Variants in SKA2 observed in about 807,000 individuals in gnomAD.
SKA2 encodes spindle and kinetochore associated complex subunit 2, also known as spindle and kinetochore-associated protein 2.
Under a neutral mutation model 16.9 loss-of-function variants are expected in SKA2, and 13 were observed. The observed-to-expected ratio is 0.77, with a 90% confidence interval of 0.50 to 1.22. The LOEUF (loss-of-function observed/expected upper bound fraction) is 1.22, where lower values mean the gene tolerates loss of function less well. SKA2 is among the 50% of genes most tolerant of loss of function. SKA2 has a pLI of 0.00. For synonymous variants in SKA2, 47 were observed against 48.5 expected, an observed-to-expected ratio of 0.97 and a Z score of 0.13; for missense variants, 107 against 139.7, an observed-to-expected ratio of 0.77 and a Z score of 1.18.
At chr17:59,133,724 A>C (rs1271855064) in intron 1 of SKA2, among the ~76,000 whole-genome samples, 4 of 152,240 alleles carry the variant, frequency 2.6e-5, no homozygotes, top group Non-Finnish European at 4.4e-5. Context: ...TTTCAGAAAT[A>C]AACTAGTTTC....
At position 59,143,692 on chromosome 17, in the gene SKA2, C is replaced by T. The variant is rs573596745; in HGVS notation, c.33+11439G>A. ...CCTGGCATAATTTTTGTATTTTTCT[C>T]GAACTCCTGACCTCAGGTGATCCTC... On this transcript the variant is annotated intron_variant, in intron 1 of 3. Coordinates refer to ENST00000330137, the MANE Select transcript of SKA2 (RefSeq NM_182620.4). 5.9e-5 allele frequency among the ~76,000 whole-genome samples: 9 copies of T among 151,876 alleles called. No homozygotes were observed. In the East Asian group the frequency reaches 1.6e-3, roughly 26 times the overall value.
intron 3 of SKA2, among the ~76,000 whole-genome samples, chr17:59,117,541 C>A (rs2046304751): frequency 6.6e-6 from 1 of 152,032 alleles, no homozygotes; most frequent in African/African-American, 2.4e-5. Flanking sequence ...AGCATGCACT[C>A]CCATGCCCAG....
chr17:59,114,529 T>C (rs2046283952), intron 3 of SKA2, among the ~76,000 whole-genome samples: 1 of 152,018 alleles, frequency 6.6e-6, no homozygotes, highest in Admixed American at 6.6e-5. Flanking sequence ...AACATAAGAG[T>C]ACAGTAAAAA....
At chr17:59,145,818 G>A (rs759956853) in intron 1 of SKA2, among the ~76,000 whole-genome samples, 1 of 151,880 alleles carries the variant, frequency 6.6e-6, no homozygotes, top group Non-Finnish European at 1.5e-5. Flanking sequence ...GGGAAACCAC[G>A]CCTCTAAAAA....
chr17:59,119,574 A>C, intron 2 of SKA2, 79 bp from the exon 3 acceptor site: 2 of 1,251,426 alleles, frequency 1.6e-6, no homozygotes, highest in Non-Finnish European at 2.3e-6. Flanking sequence ...GTATACATAC[A>C]ACACATTCTA....
intron 1 of SKA2, among the ~76,000 whole-genome samples, chr17:59,132,271 G>A (rs931649241): frequency 2.6e-5 from 4 of 151,942 alleles, no homozygotes; most frequent in South Asian, 2.1e-4. Context: ...CAGGAGAATC[G>A]CTTGAACCCC....
chr17:59,152,795 G>C (rs1486801414), intron 1 of SKA2, among the ~76,000 whole-genome samples: 2 of 149,022 alleles, frequency 1.3e-5, no homozygotes, highest in East Asian at 3.9e-4. Flanking sequence ...GTAATAATTA[G>C]AGCCATGATA....
intron 1 of SKA2, 130 bp downstream of exon 1, chr17:59,155,001 G>C (rs755480328): frequency 2.5e-6 from 4 of 1,613,828 alleles, no homozygotes. Flanking sequence ...CTTTGGTGCA[G>C]GAGGAGGGAA....
At chr17:59,127,553 T>C (rs2046380261) in intron 2 of SKA2, among the ~76,000 whole-genome samples, 1 of 151,970 alleles carries the variant, frequency 6.6e-6, no homozygotes, top group Non-Finnish European at 1.5e-5. Context: ...CACGCCCGGC[T>C]AATTTTGTAT....
chr17:59,142,235 A>G lies in SKA2; in HGVS notation c.34-10868T>C, dbSNP rs2046495779. On this transcript the variant is annotated intron_variant, in intron 1 of 3. Coordinates refer to ENST00000330137, the MANE Select transcript of SKA2 (RefSeq NM_182620.4). ...GGTCATGGTAGTACATGTAAGTGACAGGGATGGTGTTATTGCACGAATATT... is the reference window on the plus strand; with the variant it reads ...GGTCATGGTAGTACATGTAAGTGACGGGGATGGTGTTATTGCACGAATATT... Among the ~76,000 whole-genome samples the G allele has an allele frequency of 2.0e-5, 3 of 151,828 alleles. No homozygotes were observed. In the South Asian group the frequency reaches 6.2e-4, roughly 32 times the overall value.
At chr17:59,122,723 G>C (rs547117597) in intron 2 of SKA2, among the ~76,000 whole-genome samples, 1 of 152,312 alleles carries the variant, frequency 6.6e-6, no homozygotes, top group African/African-American at 2.4e-5. Context: ...CTGGGAGGCA[G>C]ATACTGCCGT....
intron 1 of SKA2, among the ~76,000 whole-genome samples, chr17:59,150,425 C>T (rs2046568257): frequency 6.6e-6 from 1 of 152,028 alleles, no homozygotes; most frequent in South Asian, 2.1e-4. Context: ...CTAGACAATA[C>T]ACAAAATTAA....
At chr17:59,121,833 G>A (rs918558396) in intron 2 of SKA2, among the ~76,000 whole-genome samples, 9 of 147,484 alleles carry the variant, frequency 6.1e-5, no homozygotes, top group African/African-American at 2.0e-4. Flanking sequence ...TTAGCCAGGC[G>A]TGTCGGCATG....
At chr17:59,136,042 G>C (rs1040796255) in intron 1 of SKA2, among the ~76,000 whole-genome samples, 12 of 151,096 alleles carry the variant, frequency 7.9e-5, no homozygotes, top group African/African-American at 2.9e-4. Flanking sequence ...GGGCAATATA[G>C]TGAGACCCCA....
intron 1 of SKA2, among the ~76,000 whole-genome samples, chr17:59,150,293 T>C (rs1420875409): frequency 1.3e-5 from 2 of 152,366 alleles, no homozygotes; most frequent in African/African-American, 4.8e-5. Flanking sequence ...TACTTACTTT[T>C]ATTTTATATA....
intron 1 of SKA2, among the ~76,000 whole-genome samples, chr17:59,139,585 C>T (rs1051544298): frequency 2.6e-5 from 4 of 151,868 alleles, no homozygotes; most frequent in Non-Finnish European, 2.9e-5. Context: ...CCTGAGCTCA[C>T]GTAATCTGCC....
At chr17:59,140,581 C>A (rs753569767) in intron 1 of SKA2, among the ~76,000 whole-genome samples, 1 of 151,330 alleles carries the variant, frequency 6.6e-6, no homozygotes, top group Non-Finnish European at 1.5e-5. Flanking sequence ...TAAGCCCCTG[C>A]CTCTAAAAGG....
intron 2 of SKA2, among the ~76,000 whole-genome samples, chr17:59,125,840 C>A (rs1351732569): frequency 6.6e-6 from 1 of 152,028 alleles, no homozygotes; most frequent in African/African-American, 2.4e-5. Flanking sequence ...TACTACTAAG[C>A]TTAAAAGAAT....
At position 59,115,035 on chromosome 17, in the gene SKA2, CT is replaced by C. The variant is rs534960273; in HGVS notation, c.298-2691del. 3.4e-5 allele frequency among the ~76,000 whole-genome samples: 5 copies of C among 145,842 alleles called. No individual in the cohort carries two copies. The South Asian group carries it at 6.7e-4, about 20-fold the overall frequency. ...ACCTTAAATGTAAATTTCTTTTCTT[CT>C]TTTTTTCGTTCTTTCTTCCTTTTTT... On this transcript the variant is annotated intron_variant, in intron 3 of 3. Coordinates refer to ENST00000330137, the MANE Select transcript of SKA2 (RefSeq NM_182620.4).
Sources: gnomAD v4.1 joint callset for allele counts (sites outside exome capture counted in the v4.1 genomes callset) on GRCh38, gnomAD v4.1.1 for gene constraint, MANE v1.5 for transcripts, NCBI Gene and HGNC (gene_info 2026-07-23, HGNC 2026-07-21) for gene names.